Variants in NSMCE2 observed in about 807,000 individuals in gnomAD.
The protein encoded by NSMCE2 is E3 SUMO-protein ligase NSE2.
Under a neutral mutation model 23.8 loss-of-function variants are expected in NSMCE2, and 24 were observed. That is an observed-to-expected ratio of 1.01 (90% CI 0.73 to 1.42). The LOEUF is 1.42. NSMCE2 is among the 40% of genes most tolerant of loss of function. The pLI is 0.00. For synonymous variants in NSMCE2, 92 were observed against 94.1 expected (o/e 0.98, Z 0.13); for missense variants, 284 against 296.5 (o/e 0.96, Z 0.31).
intron 5 of NSMCE2, among the ~76,000 whole-genome samples, chr8:125,255,076 A>T (rs1826349351): frequency 6.6e-6 from 1 of 151,762 alleles, no homozygotes; most frequent in African/African-American, 2.4e-5. Context: ...TTGTATGCTC[A>T]CTCTTGGAAC....
chr8:125,271,077 T>C (rs1827166142), intron 5 of NSMCE2, among the ~76,000 whole-genome samples: 1 of 151,678 alleles, frequency 6.6e-6, no homozygotes, highest in Admixed American at 6.6e-5. Context: ...CTGAACAACA[T>C]AGTGAGACCC....
chr8:125,193,508 C>T (rs1405111277), intron 5 of NSMCE2, among the ~76,000 whole-genome samples: 1 of 152,152 alleles, frequency 6.6e-6, no homozygotes, highest in African/African-American at 2.4e-5. Flanking sequence ...TAGCATTATG[C>T]TTCTACCTTG....
At chr8:125,214,220 A>G (rs560474153) in intron 5 of NSMCE2, among the ~76,000 whole-genome samples, 2 of 152,332 alleles carry the variant, frequency 1.3e-5, no homozygotes, top group Non-Finnish European at 2.9e-5. Context: ...ATCAAGGTTT[A>G]GAATACCAAG....
At chr8:125,197,304 TTTC>T (rs1823667716) in intron 5 of NSMCE2, among the ~76,000 whole-genome samples, 1 of 152,216 alleles carries the variant, frequency 6.6e-6, no homozygotes. Context: ...TTGCCTAGGT[TTTC>T]TTCTGGGGTT....
chr8:125,139,344 A>G (rs1047654035), intron 3 of NSMCE2, among the ~76,000 whole-genome samples: 1 of 152,230 alleles, frequency 6.6e-6, no homozygotes, highest in Non-Finnish European at 1.5e-5. Context: ...ACTAACACTC[A>G]TATTCTAATC....
chr8:125,271,491 G>T (rs1412267883), intron 5 of NSMCE2, among the ~76,000 whole-genome samples: 5 of 152,190 alleles, frequency 3.3e-5, no homozygotes, highest in African/African-American at 1.2e-4. Flanking sequence ...GGTATTAAGG[G>T]TACATAGGAC....
chr8:125,235,570 A>G (rs1825509042), intron 5 of NSMCE2, among the ~76,000 whole-genome samples: 1 of 152,000 alleles, frequency 6.6e-6, no homozygotes, highest in Admixed American at 6.5e-5. Context: ...ATATAGATAC[A>G]TGGAGTTATA....
chr8:125,313,075 T>C (rs1234764048), intron 5 of NSMCE2, among the ~76,000 whole-genome samples: 2 of 141,472 alleles, frequency 1.4e-5, no homozygotes, highest in African/African-American at 5.3e-5. Flanking sequence ...CTACACGTTC[T>C]GCACATGTAT....
intron 4 of NSMCE2, among the ~76,000 whole-genome samples, chr8:125,173,080 A>G (rs1586561658): frequency 2.0e-5 from 3 of 152,292 alleles, no homozygotes; most frequent in South Asian, 4.1e-4. Flanking sequence ...TGTTGCAACA[A>G]TCTTCTTTAC....
intron 5 of NSMCE2, among the ~76,000 whole-genome samples, chr8:125,293,272 AG>A (rs1828186964): frequency 6.6e-6 from 1 of 152,210 alleles, no homozygotes; most frequent in African/African-American, 2.4e-5. Flanking sequence ...ACCCCTGCCC[AG>A]GAAGTTTATC....
chr8:125,334,915 C>A (rs1830022329), intron 5 of NSMCE2, among the ~76,000 whole-genome samples: 1 of 151,248 alleles, frequency 6.6e-6, no homozygotes, highest in African/African-American at 2.4e-5. Flanking sequence ...ACCACCACAC[C>A]CGGCTAATCT....
intron 7 of NSMCE2, among the ~76,000 whole-genome samples, chr8:125,362,537 A>C (rs533869939): frequency 2.1e-4 from 32 of 152,324 alleles, no homozygotes; most frequent in Non-Finnish European, 3.5e-4. Context: ...TGAACTCCCC[A>C]GTCCTTGACA....
intron 4 of NSMCE2, among the ~76,000 whole-genome samples, chr8:125,176,779 T>C (rs1161231900): frequency 6.6e-6 from 1 of 152,236 alleles, no homozygotes; most frequent in Non-Finnish European, 1.5e-5. Flanking sequence ...GATTTCTAAG[T>C]GTCCTGGAAA....
intron 5 of NSMCE2, among the ~76,000 whole-genome samples, chr8:125,301,263 T>C (rs1828552327): frequency 1.3e-5 from 2 of 151,840 alleles, no homozygotes; most frequent in African/African-American, 4.8e-5. Flanking sequence ...CCAGAAGGGG[T>C]TGAAAAACCA....
intron 3 of NSMCE2, among the ~76,000 whole-genome samples, chr8:125,148,166 A>T (rs1267429049): frequency 2.0e-5 from 3 of 152,080 alleles, no homozygotes; most frequent in Non-Finnish European, 2.9e-5. Flanking sequence ...GCTTGTCCCA[A>T]CATTCTTGGG....
chr8:125,202,057 T>C (rs912377699), intron 5 of NSMCE2, among the ~76,000 whole-genome samples: 1 of 152,258 alleles, frequency 6.6e-6, no homozygotes, highest in Non-Finnish European at 1.5e-5. Flanking sequence ...TGTTGGTTGC[T>C]AAGACCATGG....
chr8:125,267,556 C>T (rs969501976), intron 5 of NSMCE2, among the ~76,000 whole-genome samples: 3 of 152,148 alleles, frequency 2.0e-5, no homozygotes, highest in South Asian at 2.1e-4. Context: ...AAGGCTGAGG[C>T]GGGAGGATCA....
chr8:125,151,646 C>G (rs1326334332), intron 4 of NSMCE2, among the ~76,000 whole-genome samples: 1 of 152,170 alleles, frequency 6.6e-6, no homozygotes, highest in Admixed American at 6.5e-5. Flanking sequence ...GTTACTCATT[C>G]TCTAACTTTA....
chr8:125,137,846 A>G (rs1274158140), intron 3 of NSMCE2, among the ~76,000 whole-genome samples: 1 of 152,190 alleles, frequency 6.6e-6, no homozygotes. Flanking sequence ...GGTAATAATG[A>G]TAATGTCTTC....
Sources: gnomAD v4.1 joint callset for allele counts (sites outside exome capture counted in the v4.1 genomes callset) on GRCh38, gnomAD v4.1.1 for gene constraint, MANE v1.5 for transcripts, NCBI Gene and HGNC (gene_info 2026-07-23, HGNC 2026-07-21) for gene names.